Variants in RTN4 observed in about 807,000 individuals in gnomAD.
The protein encoded by RTN4 is reticulon-4.
RTN4 carries 32 observed loss-of-function variants against 90.4 expected under a neutral mutation model. That is an observed-to-expected ratio of 0.35 (90% CI 0.27 to 0.48). The LOEUF (loss-of-function observed/expected upper bound fraction) is 0.48. Ranked by LOEUF, RTN4 falls within the 20% of genes least tolerant of loss-of-function variation. The pLI, the probability that RTN4 is intolerant of heterozygous loss-of-function variation, is 0.99. For missense variants in RTN4, 1,706 were observed against 1,430.2 expected, an observed-to-expected ratio of 1.19 and a Z score of -3.11; for synonymous variants, 629 against 552.5, an observed-to-expected ratio of 1.14 and a Z score of -1.94.
chr2:55,102,709 G>A (rs1573518519), intron 1 of RTN4, among the ~76,000 whole-genome samples: 1 of 152,076 alleles, frequency 6.6e-6, no homozygotes, highest in Admixed American at 6.5e-5. Flanking sequence ...GGAGGTAGGA[G>A]AGGAGAATCC....
intron 2 of RTN4, among the ~76,000 whole-genome samples, chr2:55,074,687 C>T (rs1668571927): frequency 6.6e-6 from 1 of 152,094 alleles, no homozygotes; most frequent in Non-Finnish European, 1.5e-5. Context: ...CAACAAAATA[C>T]TAGTTTACCA....
intron 3 of RTN4, among the ~76,000 whole-genome samples, chr2:55,006,255 T>C (rs1240834489): frequency 6.6e-6 from 1 of 152,108 alleles, no homozygotes; most frequent in African/African-American, 2.4e-5. Context: ...TAACCCAAGA[T>C]CTAGAAAATG....
upstream of RTN4, among the ~76,000 whole-genome samples, chr2:55,114,859 A>G (rs1426349022): frequency 6.6e-6 from 1 of 151,930 alleles, no homozygotes; most frequent in Non-Finnish European, 1.5e-5. Context: ...ACCCCCATTC[A>G]TCTCCCCTTG....
chr2:54,996,999 A>G lies in RTN4; in HGVS notation c.3014-9301T>C, dbSNP rs770799308. ...AATTGTTTCTTACATATAACACCAA[A>G]AGCAGAAACAACAAAAGAAGAAAAA... On this transcript the variant is annotated intron_variant, in intron 3 of 8. Transcript: ENST00000337526. Among the ~76,000 whole-genome samples the G allele has an allele frequency of 1.1e-4, 17 of 152,232 alleles. 1 individual carries two copies. The highest frequency in any genetic ancestry group is 3.2e-3 in the Middle Eastern group (1 of 316).
chr2:54,974,807 T>G (rs1377761305), intron 5 of RTN4, 43 bp from the exon 6 acceptor site: 1 of 1,530,528 alleles, frequency 6.5e-7, no homozygotes, highest in Non-Finnish European at 9.0e-7. Context: ...AAAATTCAAG[T>G]AAAGTTTCTT....
chr2:55,050,130 C>T lies in RTN4; in HGVS notation c.171G>A (p.Arg57=), dbSNP rs777343082. 1.3e-6 allele frequency: 2 copies of T among 1,526,576 alleles called. No individual in the cohort carries two copies. The highest frequency in any genetic ancestry group is 2.8e-5 in the African/African-American group (2 of 70,322). The allele number at this position is 1,526,576 out of a possible 1,614,324, so 94.6% of individuals were successfully genotyped here. Residue 57 remains arginine (R), a synonymous_variant, in exon 1 of 9, where the codon AGG becomes AGA. Transcript: ENST00000337526. This position sits in a 1 kb window ranked among gnomAD's most constrained non-coding sequence, Gnocchi z 4.6. The stretch of plus-strand genomic sequence containing the variant: ...CCGCGGACAGCCCGGCGGCGGGCTT[C>T]CTCTCCAGCACCTCCAGCTCCTCCA... ...EDLEELEVLE[R]KPAAGLSAAP... is the part of the protein sequence containing the mutation.
At chr2:55,012,977 C>G (rs118139502) in intron 3 of RTN4, among the ~76,000 whole-genome samples, 2 of 151,914 alleles carry the variant, frequency 1.3e-5, no homozygotes, top group Non-Finnish European at 2.9e-5. Flanking sequence ...CTTCAACTAC[C>G]TAACTTTTAA....
the RTN4 span, among the ~76,000 whole-genome samples, chr2:55,135,283 C>T: frequency 0.092 from 13,779 of 149,428 alleles, 749 homozygotes; most frequent in East Asian, 0.22. Context: ...TCTTGACTCA[C>T]GGCAACCTCC....
chr2:55,121,306 G>A, the RTN4 span, among the ~76,000 whole-genome samples: 1 of 152,142 alleles, frequency 6.6e-6, no homozygotes, highest in Non-Finnish European at 1.5e-5. Context: ...TATGATAGAG[G>A]AAGCTCAGGG....
chr2:55,109,407 G>A (rs1303233451), intron 1 of RTN4, among the ~76,000 whole-genome samples: 4 of 152,096 alleles, frequency 2.6e-5, no homozygotes, highest in Non-Finnish European at 5.9e-5. Flanking sequence ...TATTAACTGT[G>A]CTTACAAAAG....
the RTN4 span, among the ~76,000 whole-genome samples, chr2:55,130,084 T>TA: frequency 6.6e-6 from 1 of 152,156 alleles, no homozygotes; most frequent in Non-Finnish European, 1.5e-5. Flanking sequence ...TGTGAAGGCA[T>TA]AAAATTGAAA....
rs558873224 is a variant in RTN4, at chr2:55,010,623, C to A, written c.3013+14463G>T. ...GGTTACCTAATAAGATAAAAATGGA[C>A]TGATCAAATATTAATAGCCTAAATT... On this transcript the variant is annotated intron_variant, in intron 3 of 8. Coordinates refer to ENST00000337526, the MANE Select transcript of RTN4 (RefSeq NM_020532.5). 2.6e-5 allele frequency among the ~76,000 whole-genome samples: 4 copies of A among 152,196 alleles called. No individual in the cohort carries two copies. In the South Asian group the frequency reaches 8.3e-4, roughly 32 times the overall value.
chr2:55,008,917 T>G (rs1476446727), intron 3 of RTN4, among the ~76,000 whole-genome samples: 2 of 152,176 alleles, frequency 1.3e-5, no homozygotes, highest in African/African-American at 4.8e-5. Flanking sequence ...GCTAACAGGA[T>G]GAAGAAATAA....
chr2:54,974,411 C>T (rs1476810523), intron 6 of RTN4, among the ~76,000 whole-genome samples: 1 of 152,186 alleles, frequency 6.6e-6, no homozygotes, highest in Non-Finnish European at 1.5e-5. Flanking sequence ...TCCGGAGTAG[C>T]TGGGATTACA....
chr2:55,107,547 G>T (rs183700862), intron 1 of RTN4, among the ~76,000 whole-genome samples: 33 of 152,074 alleles, frequency 2.2e-4, no homozygotes, highest in Non-Finnish European at 4.0e-4. Flanking sequence ...GGTACATCTG[G>T]GGGGGTTTTG....
intron 1 of RTN4, among the ~76,000 whole-genome samples, chr2:55,039,589 G>C (rs1682929475): frequency 6.6e-6 from 1 of 152,132 alleles, no homozygotes; most frequent in Non-Finnish European, 1.5e-5. Flanking sequence ...AGACCAGCCT[G>C]CCCAATATGG....
intron 2 of RTN4, among the ~76,000 whole-genome samples, chr2:55,065,167 A>G (rs965179468): frequency 1.3e-5 from 2 of 152,236 alleles, no homozygotes; most frequent in African/African-American, 4.8e-5. Context: ...GAGTTTTTTC[A>G]TATCAGAATC....
chr2:54,987,644 G>A lies in RTN4; in HGVS notation c.3068C>T (p.Ala1023Val). The A allele has an allele frequency of 6.2e-7, 1 of 1,614,154 alleles. No individual in the cohort carries two copies. The highest frequency in any genetic ancestry group is 2.2e-5 in the East Asian group (1 of 44,880). The change falls in exon 4 of 9, where the codon GCC (alanine) becomes GTC (valine). Residue 1023 changes from alanine (A) to valine (V), a missense_variant. Ala to Val is a moderately conservative substitution (Grantham distance 64, BLOSUM62 0). Transcript: ENST00000337526. ...DIKKTGVVFGASLFLLLSLTV... is the reference protein window; with the variant it reads ...DIKKTGVVFGVSLFLLLSLTV... ...CAATGAAAGCAGCAGGAATAGGCTG[G>A]CACCAAACACCACTCCAGTCTTCTT...
intron 1 of RTN4, among the ~76,000 whole-genome samples, chr2:55,111,333 A>G (rs1668034972): frequency 6.6e-6 from 1 of 152,222 alleles, no homozygotes; most frequent in South Asian, 2.1e-4. Context: ...GGCACCCTCA[A>G]ATCTTAGGCC....
Sources: allele counts gnomAD v4.1 joint callset (sites outside exome capture counted in the v4.1 genomes callset), GRCh38; gene constraint gnomAD v4.1.1; non-coding constraint Gnocchi (gnomAD v3.1); transcripts MANE v1.5; gene names NCBI Gene and HGNC (gene_info 2026-07-23, HGNC 2026-07-21).